ZNF727: variants seen among roughly 807,000 people sequenced by gnomAD.
ZNF727 encodes putative zinc finger protein 727.
Under a neutral mutation model 11.5 loss-of-function variants are expected in ZNF727, and 11 were observed. The ratio of observed to expected loss-of-function variants is 0.95; its 90% CI spans 0.60 to 1.58. ZNF727 has a LOEUF of 1.58. Ranked by LOEUF, ZNF727 falls within the 40% of genes most tolerant of loss-of-function variation. The pLI, the probability that ZNF727 is intolerant of heterozygous loss-of-function variation, is 0.00. For missense variants in ZNF727, 533 were observed against 581.7 expected (o/e 0.92, Z 0.86); for synonymous variants, 171 against 196.1 (o/e 0.87, Z 1.07).
At chr7:64,050,833 G>C (rs1384945723) in intron 1 of ZNF727, among the ~76,000 whole-genome samples, 1 of 151,586 alleles carries the variant, frequency 6.6e-6, no homozygotes, top group African/African-American at 2.4e-5. Flanking sequence ...TATATAGCCT[G>C]ATTGTCAATT....
intron 3 of ZNF727, among the ~76,000 whole-genome samples, chr7:64,072,339 T>A (rs10268639): frequency 0.073 from 11,159 of 152,106 alleles, 598 homozygotes; most frequent in African/African-American, 0.14. Flanking sequence ...TAGTTGTTAA[T>A]CCTGTCTTAT....
At chr7:64,060,558 G>A (rs765094151) in intron 1 of ZNF727, among the ~76,000 whole-genome samples, 1 of 152,196 alleles carries the variant, frequency 6.6e-6, no homozygotes, top group Non-Finnish European at 1.5e-5. Context: ...GGCACCTTCA[G>A]ACCTGAAAGT....
chr7:64,053,530 A>G (rs13227194), intron 1 of ZNF727, among the ~76,000 whole-genome samples: 97,007 of 151,888 alleles, frequency 0.64, 31,721 homozygotes, highest in Non-Finnish European at 0.71. Flanking sequence ...CATGTTGGTC[A>G]GGCTGGTCTC....
In ZNF727 at chr7:64,077,917, C is replaced by A. The variant is rs1562798685; in HGVS notation, c.868C>A (p.His290Asn). Residue 290 changes from histidine to asparagine, a missense_variant, in exon 4 of 4, where the codon CAC (histidine) becomes AAC (asparagine). Coordinates refer to ENST00000456806, the MANE Select transcript of ZNF727 (RefSeq NM_001159522.3). ...GEKPYKCKEC[H>N]KAFRCCSDLT... ...GAAACCCTACAAATGTAAAGAATGT[C>A]ACAAAGCCTTTAGGTGTTGCTCAGA... 1.9e-6 allele frequency: 3 copies of A among 1,582,384 alleles called. No individual in the cohort carries two copies. Among genetic ancestry groups the A allele is most frequent in the Non-Finnish European group, 2.6e-6 (3 of 1,164,306 alleles).
At chr7:64,069,433 C>G (rs1789923771) in intron 2 of ZNF727, 81 bp from the exon 3 acceptor site, 2 of 1,143,328 alleles carry the variant, frequency 1.7e-6, no homozygotes, top group Non-Finnish European at 2.6e-6. Flanking sequence ...ATAATGTTCT[C>G]TCTTCTCTAC....
At chr7:64,073,308 T>TG (rs1000258034) in intron 3 of ZNF727, among the ~76,000 whole-genome samples, 2 of 81,118 alleles carry the variant, frequency 2.5e-5, no homozygotes, top group African/African-American at 8.4e-5. Flanking sequence ...ATTTTTTGTG[T>TG]GTTTTTTTTT....
chr7:64,050,866 G>A (rs149411466), intron 1 of ZNF727, among the ~76,000 whole-genome samples: 5 of 151,734 alleles, frequency 3.3e-5, no homozygotes, highest in African/African-American at 1.2e-4. Context: ...ACTTTTGACT[G>A]TAGAGCTTTT....
At chr7:64,060,538 C>T (rs1415447153) in intron 1 of ZNF727, among the ~76,000 whole-genome samples, 1 of 152,196 alleles carries the variant, frequency 6.6e-6, no homozygotes, top group Non-Finnish European at 1.5e-5. Context: ...CCCCATCTTT[C>T]AATGCACTTG....
In ZNF727 at chr7:64,080,864, A is replaced by AGTTTTTT. The variant is rs796543365; in HGVS notation, c.*2336_*2342dup. On this transcript the variant is annotated 3_prime_UTR_variant, in exon 4 of 4. Transcript: ENST00000456806. ...TCAGCCAACAGGCTTTGTTCCTGGG[A>AGTTTTTT]GTTTTTTGTTTTTTGTTTTTTGTTT... is the stretch of plus-strand genomic sequence containing the variant. Among the ~76,000 whole-genome samples the AGTTTTTT allele has an allele frequency of 5.3e-5, 8 of 149,788 alleles. No individual in the cohort carries two copies. Among genetic ancestry groups the AGTTTTTT allele is most frequent in the African/African-American group, 7.4e-5 (3 of 40,562 alleles).
At chr7:64,045,956 A>G (rs1181367179) in intron 1 of ZNF727, among the ~76,000 whole-genome samples, 1 of 152,146 alleles carries the variant, frequency 6.6e-6, no homozygotes, top group African/African-American at 2.4e-5. Flanking sequence ...TCCTCCGTGG[A>G]AGAAGCAGTG....
At chr7:64,058,542 G>C (rs532722098) in intron 1 of ZNF727, among the ~76,000 whole-genome samples, 8 of 152,050 alleles carry the variant, frequency 5.3e-5, no homozygotes, top group African/African-American at 1.7e-4. Flanking sequence ...GGGCTTCTGA[G>C]TCACCTGATC....
chr7:64,068,325 T>G (rs1462962175), intron 1 of ZNF727, among the ~76,000 whole-genome samples: 1 of 152,122 alleles, frequency 6.6e-6, no homozygotes, highest in Non-Finnish European at 1.5e-5. Flanking sequence ...CTATGGAAAG[T>G]GAAGGCTCTC....
intron 3 of ZNF727, among the ~76,000 whole-genome samples, chr7:64,070,577 A>G (rs192322281): frequency 6.6e-6 from 1 of 152,206 alleles, no homozygotes; most frequent in Admixed American, 6.5e-5. Flanking sequence ...ACATAATGAA[A>G]TGATTAATAC....
chr7:64,074,410 A>G (rs1478891478), intron 3 of ZNF727, among the ~76,000 whole-genome samples: 2 of 152,166 alleles, frequency 1.3e-5, no homozygotes, highest in Non-Finnish European at 2.9e-5. Context: ...GAGGATCTAA[A>G]TAATGTAACT....
chr7:64,067,181 C>T (rs889856799), intron 1 of ZNF727, among the ~76,000 whole-genome samples: 1 of 152,036 alleles, frequency 6.6e-6, no homozygotes, highest in African/African-American at 2.4e-5. Flanking sequence ...AAATGTAAAT[C>T]AAAACCACAA....
At chr7:64,065,850 G>A (rs145425268) in intron 1 of ZNF727, among the ~76,000 whole-genome samples, 8 of 151,366 alleles carry the variant, frequency 5.3e-5, no homozygotes, top group East Asian at 2.0e-4. Flanking sequence ...TTAATAAGCC[G>A]TGAAAAAATT....
intron 1 of ZNF727, among the ~76,000 whole-genome samples, chr7:64,062,915 A>G (rs555461949): frequency 2.0e-5 from 3 of 151,416 alleles, no homozygotes; most frequent in East Asian, 3.9e-4. Context: ...GCACTCTTCA[A>G]TGTCATTTGA....
At chr7:64,073,040 C>G (rs1201980864) in intron 3 of ZNF727, among the ~76,000 whole-genome samples, 3 of 152,008 alleles carry the variant, frequency 2.0e-5, no homozygotes, top group Non-Finnish European at 4.4e-5. Context: ...AATGAACACC[C>G]TTACCTTTTG....
chr7:64,050,305 T>G (rs1398190221), intron 1 of ZNF727, among the ~76,000 whole-genome samples: 1 of 152,132 alleles, frequency 6.6e-6, no homozygotes, highest in Non-Finnish European at 1.5e-5. Flanking sequence ...TACTCATGTT[T>G]GTATCTAACA....
Sources: allele counts gnomAD v4.1 joint callset (sites outside exome capture counted in the v4.1 genomes callset), GRCh38; gene constraint gnomAD v4.1.1; transcripts MANE v1.5; gene names NCBI Gene and HGNC (gene_info 2026-07-23, HGNC 2026-07-21).